Variants in ADGRD1 observed in about 807,000 individuals in gnomAD.
ADGRD1 encodes the protein G-protein coupled receptor 133.
Under a neutral mutation model 113.4 loss-of-function variants are expected in ADGRD1, and 77 were observed. The ratio of observed to expected loss-of-function variants is 0.68; its 90% confidence interval spans 0.57 to 0.82. ADGRD1 has a LOEUF of 0.82. Ranked by LOEUF, ADGRD1 falls within the 40% of genes least tolerant of loss-of-function variation. ADGRD1 has a pLI of 0.00. For missense variants in ADGRD1, 1,036 were observed against 1,139.1 expected (o/e 0.91, Z 1.30); for synonymous variants, 474 against 475.0 (o/e 1.00, Z 0.03).
At chr12:131,008,380 C>T (rs1232768455) in intron 12 of ADGRD1, among the ~76,000 whole-genome samples, 4 of 152,220 alleles carry the variant, frequency 2.6e-5, no homozygotes, top group Non-Finnish European at 5.9e-5. Flanking sequence ...TGCTGTCATC[C>T]TCATACATCC....
intron 15 of ADGRD1, among the ~76,000 whole-genome samples, chr12:131,097,635 A>G (rs1035738991): frequency 3.3e-5 from 5 of 152,206 alleles, no homozygotes; most frequent in African/African-American, 1.2e-4. Flanking sequence ...CGTGCTGTCC[A>G]GGAGCCAAGG....
Position 131,027,467 on chromosome 12 carries a change from G to A in ADGRD1, c.1473+13127G>A, listed in dbSNP as rs540310507. 6.6e-6 allele frequency: 1 copy of A among 152,296 alleles called. No individual in the cohort carries two copies. The highest frequency in any genetic ancestry group is 1.9e-4 in the East Asian group (1 of 5,176). The allele number at this position is 152,296 out of a possible 1,614,324, so 9.4% of individuals were successfully genotyped here. Reference sequence around the variant, plus strand: ...ATAGTCTACGTTTGTCATCCTGCTGGTGTGCGTCTGGCTTCGGGTTTGCAT... The same window carrying A: ...ATAGTCTACGTTTGTCATCCTGCTGATGTGCGTCTGGCTTCGGGTTTGCAT... On this transcript the variant is annotated intron_variant, in intron 13 of 24. Coordinates refer to ENST00000261654, the MANE Select transcript of ADGRD1 (RefSeq NM_198827.5). The surrounding 1 kb of genome is among the most constrained non-coding windows in gnomAD (Gnocchi z 5.1).
intron 13 of ADGRD1, among the ~76,000 whole-genome samples, chr12:131,049,684 T>C (rs1241064734): frequency 6.6e-6 from 1 of 152,182 alleles, no homozygotes; most frequent in Non-Finnish European, 1.5e-5. Flanking sequence ...AAGTGTGTGC[T>C]GCCGTCTGGG....
At chr12:131,036,257 AGTCTCACTCACTGCACTGG>A (rs1414177138) in intron 13 of ADGRD1, among the ~76,000 whole-genome samples, 21 of 150,394 alleles carry the variant, frequency 1.4e-4, no homozygotes, top group Non-Finnish European at 2.1e-4. Flanking sequence ...CACTGCAGTG[AGTCTCACTCACTGCACTGG>A]GTCTCACTCA....
intron 13 of ADGRD1, among the ~76,000 whole-genome samples, chr12:131,048,782 C>T (rs1424320302): frequency 6.6e-6 from 1 of 152,216 alleles, no homozygotes; most frequent in Non-Finnish European, 1.5e-5. Flanking sequence ...CGGGGCTACA[C>T]CCACATTCCA....
intron 20 of ADGRD1, among the ~76,000 whole-genome samples, chr12:131,126,894 G>A (rs1950748587): frequency 6.6e-6 from 1 of 152,176 alleles, no homozygotes; most frequent in South Asian, 2.1e-4. Flanking sequence ...AGGCATGGAT[G>A]AGGATGAGTG....
intron 8 of ADGRD1, among the ~76,000 whole-genome samples, chr12:130,999,508 G>A (rs1038059073): frequency 3.9e-5 from 6 of 152,238 alleles, no homozygotes; most frequent in Non-Finnish European, 7.3e-5. Flanking sequence ...TAAGAATTTA[G>A]TGTCTCAGAG....
intron 13 of ADGRD1, among the ~76,000 whole-genome samples, chr12:131,076,387 G>A (rs1043768015): frequency 2.6e-5 from 4 of 152,182 alleles, no homozygotes; most frequent in Non-Finnish European, 5.9e-5. Flanking sequence ...TGCCGGTGCT[G>A]TTTAGAACAG....
intron 20 of ADGRD1, among the ~76,000 whole-genome samples, chr12:131,123,499 G>T (rs1438268906): frequency 1.1e-4 from 17 of 151,946 alleles, no homozygotes; most frequent in Non-Finnish European, 8.8e-5. Context: ...TGGAAGGGAG[G>T]CAAGAGCTGA....
chr12:130,987,409 T>A (rs1299337402), intron 6 of ADGRD1, 60 bp downstream of exon 6: 5 of 1,591,388 alleles, frequency 3.1e-6, no homozygotes, highest in Non-Finnish European at 4.3e-6. Context: ...CACCCTGGTA[T>A]CGGCCTCCTT....
At chr12:131,043,215 C>T (rs1372738476) in intron 13 of ADGRD1, among the ~76,000 whole-genome samples, 1 of 152,194 alleles carries the variant, frequency 6.6e-6, no homozygotes. Flanking sequence ...TCTCAGATGG[C>T]CTCCTGTCCG....
intron 7 of ADGRD1, among the ~76,000 whole-genome samples, chr12:130,991,965 AC>A (rs1437448553): frequency 2.0e-5 from 3 of 152,088 alleles, no homozygotes; most frequent in African/African-American, 7.2e-5. Context: ...TACTAAAAAT[AC>A]AAAAATTAGC....
chr12:131,086,422 A>G (rs2137223902), intron 15 of ADGRD1, among the ~76,000 whole-genome samples: 1 of 152,318 alleles, frequency 6.6e-6, no homozygotes, highest in Non-Finnish European at 1.5e-5. Flanking sequence ...ACTGCGACAC[A>G]GTCACGGATC....
chr12:131,046,500 G>C (rs1882807935), intron 13 of ADGRD1, among the ~76,000 whole-genome samples: 2 of 139,400 alleles, frequency 1.4e-5, no homozygotes, highest in Non-Finnish European at 3.1e-5. Context: ...TGTCCTCCCT[G>C]GTCAGTGCCC....
rs1211647069 is a variant in ADGRD1 at position 131,105,844 on chromosome 12, T to C, written c.1866T>C (p.Ser622=). ...VLVAQVLLLI[S]FRLEPGTTPC... ...TGGCCCAGGTCCTGCTGCTCATTAG[T>C]TTCCGCCTCGAGCCGGGCACGGTGA... is the stretch of plus-strand genomic sequence containing the variant. Residue 622 remains serine (S), a synonymous_variant, in exon 17 of 25, where the codon AGT becomes AGC. Transcript: ENST00000261654. 2 of 1,599,740 alleles carry C rather than the reference T, an allele frequency of 1.3e-6. No homozygotes were observed. Among genetic ancestry groups the C allele is most frequent in the Non-Finnish European group, 1.7e-6 (2 of 1,179,658 alleles).
intron 12 of ADGRD1, among the ~76,000 whole-genome samples, chr12:131,008,541 C>T (rs1877472489): frequency 6.6e-6 from 1 of 152,216 alleles, no homozygotes; most frequent in South Asian, 2.1e-4. Flanking sequence ...TCTCCACAGC[C>T]AGCCCCAGGC....
chr12:131,135,662 G>A (rs368783320), intron 21 of ADGRD1, among the ~76,000 whole-genome samples: 7 of 152,112 alleles, frequency 4.6e-5, no homozygotes, highest in African/African-American at 1.2e-4. Flanking sequence ...TGGACGCTGC[G>A]GGGGATGCTC....
chr12:131,059,134 CCTCTCTATTTTTATT>C (rs1884114455), intron 13 of ADGRD1, among the ~76,000 whole-genome samples: 1 of 152,106 alleles, frequency 6.6e-6, no homozygotes, highest in Non-Finnish European at 1.5e-5. Context: ...TTTCCTCTGT[CCTCTCTATTTTTATT>C]TTTGCTGTTG....
rs1951199836 is a variant in ADGRD1, at chr12:131,139,848, GT to G, written c.*586del. On this transcript the variant is annotated 3_prime_UTR_variant, in exon 25 of 25. Coordinates refer to ENST00000261654, the MANE Select transcript of ADGRD1 (RefSeq NM_198827.5). ...AGGTGGTGCCGGCGTGGGCCAACCT[GT>G]GCTGTGTCATCAGTTGGGGGCCCCT... is the stretch of plus-strand genomic sequence containing the variant. 6.5e-6 allele frequency: 1 copy of G among 153,046 alleles called. No individual in the cohort carries two copies. Among genetic ancestry groups the G allele is most frequent in the Non-Finnish European group, 1.5e-5 (1 of 68,650 alleles). The allele number at this position is 153,046 out of a possible 1,614,324, so 9.5% of individuals were successfully genotyped here.
Sources: allele counts gnomAD v4.1 joint callset (sites outside exome capture counted in the v4.1 genomes callset), GRCh38; gene constraint gnomAD v4.1.1; non-coding constraint Gnocchi (gnomAD v3.1); transcripts MANE v1.5; gene names NCBI Gene and HGNC (gene_info 2026-07-23, HGNC 2026-07-21).